FPR3: variants seen among roughly 807,000 people sequenced by gnomAD.
FPR3 encodes N-formyl peptide receptor 3.
For missense variants in FPR3, 346 were observed against 443.2 expected (o/e 0.78, Z 1.97); for synonymous variants, 135 against 163.6 (o/e 0.83, Z 1.34).
At chr19:51,819,217 A>G (rs2084169561) in intron 1 of FPR3, among the ~76,000 whole-genome samples, 1 of 152,208 alleles carries the variant, frequency 6.6e-6, no homozygotes, top group African/African-American at 2.4e-5. Flanking sequence ...AGTTTGGGCA[A>G]TGTTGGGTTT....
chr19:51,811,007 A>G (rs577638661), intron 1 of FPR3, among the ~76,000 whole-genome samples: 3 of 152,212 alleles, frequency 2.0e-5, no homozygotes, highest in Non-Finnish European at 4.4e-5. Flanking sequence ...GAGGCTGTAT[A>G]GGCCAATTTT....
chr19:51,806,959 G>A (rs527360841), intron 1 of FPR3, among the ~76,000 whole-genome samples: 25 of 152,286 alleles, frequency 1.6e-4, no homozygotes, highest in South Asian at 1.2e-3. Flanking sequence ...AACATCGGGC[G>A]TAGCCAATTA....
At chr19:51,814,550 G>A (rs2084120557) in intron 1 of FPR3, among the ~76,000 whole-genome samples, 1 of 152,168 alleles carries the variant, frequency 6.6e-6, no homozygotes, top group Non-Finnish European at 1.5e-5. Context: ...ATGAAGTGCA[G>A]TGGTGTGATC....
intron 1 of FPR3, among the ~76,000 whole-genome samples, chr19:51,821,029 A>C (rs2084184560): frequency 6.6e-6 from 1 of 152,158 alleles, no homozygotes; most frequent in African/African-American, 2.4e-5. Flanking sequence ...TGAGCTTCAA[A>C]AGGCACGACC....
intron 1 of FPR3, among the ~76,000 whole-genome samples, chr19:51,806,155 C>A (rs1220776197): frequency 2.0e-5 from 3 of 152,162 alleles, no homozygotes. Context: ...TCCAGTCGGC[C>A]TTCTCTCCAT....
intron 1 of FPR3, among the ~76,000 whole-genome samples, chr19:51,812,052 C>A (rs901954674): frequency 6.6e-6 from 1 of 152,122 alleles, no homozygotes; most frequent in African/African-American, 2.4e-5. Context: ...CCTAAATTAC[C>A]CATAGTCATA....
rs1232784401 is a variant in FPR3, at chr19:51,824,691, C to T, written c.943C>T (p.Arg315Cys). 48 of 1,613,966 alleles carry T rather than the reference C, an allele frequency of 3.0e-5. No individual in the cohort carries two copies. The highest frequency in any genetic ancestry group is 3.7e-5 in the Non-Finnish European group (44 of 1,180,002). The change falls in exon 2 of 2, where the codon CGC becomes TGC. Residue 315 changes from arginine (R) to cysteine (C), a missense_variant. By Grantham distance (180) the Arg-to-Cys change is radical. Transcript: ENST00000339223. This position sits in a 1 kb window ranked among gnomAD's most constrained non-coding sequence, Gnocchi z 4.7. ...MGRNFQERLI[R>C]SLPTSLERAL... ...TCGTAACTTCCAAGAAAGACTGATT[C>T]GCTCTTTGCCCACTAGTTTGGAGAG... is the stretch of plus-strand genomic sequence containing the variant.
chr19:51,824,855 A>T lies in FPR3; in HGVS notation c.*45A>T. ...CTCTGTCTCTTTCTACCCTGCGTTA[A>T]GCGGAAAAAAAAAATTCTGACAGTG... On this transcript the variant is annotated 3_prime_UTR_variant, in exon 2 of 2. Coordinates refer to ENST00000339223, the MANE Select transcript of FPR3 (RefSeq NM_002030.5). This position sits in a 1 kb window ranked among gnomAD's most constrained non-coding sequence, Gnocchi z 4.7. 1 of 1,455,244 alleles carries T rather than the reference A, an allele frequency of 6.9e-7. No individual in the cohort carries two copies. The highest frequency in any genetic ancestry group is 1.4e-5 in the African/African-American group (1 of 69,794). The allele number at this position is 1,455,244 out of a possible 1,614,324, so 90.1% of individuals were successfully genotyped here.
intron 1 of FPR3, among the ~76,000 whole-genome samples, chr19:51,822,077 G>A (rs557635353): frequency 6.6e-6 from 1 of 152,278 alleles, no homozygotes; most frequent in South Asian, 2.1e-4. Flanking sequence ...AAGCAAATTT[G>A]GTCAAGTGGC....
chr19:51,824,359 T>C lies in FPR3; in HGVS notation c.611T>C (p.Leu204Pro). ...FITMAKVFLI[L>P]HFIIGFSVPM... ...ACCATGGCCAAGGTCTTTCTGATCC[T>C]CCACTTCATTATTGGCTTCAGCGTG... The change falls in exon 2 of 2, where the codon CTC (leucine) becomes CCC (proline). Residue 204 changes from leucine to proline, a missense_variant. By Grantham distance (98) the Leu-to-Pro change is moderately conservative. Coordinates refer to ENST00000339223, the MANE Select transcript of FPR3 (RefSeq NM_002030.5). This position sits in a 1 kb window ranked among gnomAD's most constrained non-coding sequence, Gnocchi z 4.7. 6.2e-7 allele frequency: 1 copy of C among 1,614,144 alleles called. No homozygotes were observed. The highest frequency in any genetic ancestry group is 8.5e-7 in the Non-Finnish European group (1 of 1,180,006).
intron 1 of FPR3, among the ~76,000 whole-genome samples, chr19:51,817,520 T>TC (rs1020705369): frequency 2.7e-5 from 4 of 149,502 alleles, no homozygotes; most frequent in African/African-American, 9.7e-5. Flanking sequence ...TGTTTTGTTT[T>TC]TTTTTTTAAA....
chr19:51,807,432 G>A (rs978128841), intron 1 of FPR3, among the ~76,000 whole-genome samples: 1 of 152,162 alleles, frequency 6.6e-6, no homozygotes, highest in Admixed American at 6.5e-5. Flanking sequence ...TGATCATATA[G>A]CCTCCAGTGG....
intron 1 of FPR3, among the ~76,000 whole-genome samples, chr19:51,805,968 C>T (rs565486763): frequency 5.2e-4 from 79 of 152,182 alleles, no homozygotes; most frequent in African/African-American, 1.8e-3. Flanking sequence ...ATTATGTGTT[C>T]GCAATGTGCT....
At chr19:51,801,335 A>C (rs1451044658) in intron 1 of FPR3, among the ~76,000 whole-genome samples, 1 of 152,032 alleles carries the variant, frequency 6.6e-6, no homozygotes, top group Non-Finnish European at 1.5e-5. Context: ...TGTATACATA[A>C]TATAGAACCA....
intron 1 of FPR3, among the ~76,000 whole-genome samples, chr19:51,815,769 G>A (rs1036231056): frequency 4.6e-5 from 7 of 151,626 alleles, no homozygotes; most frequent in African/African-American, 1.7e-4. Context: ...GCTGAGGCTG[G>A]AGAATCCCTT....
chr19:51,806,477 A>T (rs1162750871), intron 1 of FPR3, among the ~76,000 whole-genome samples: 1 of 152,220 alleles, frequency 6.6e-6, no homozygotes, highest in African/African-American at 2.4e-5. Context: ...CAAAAATTTT[A>T]AAGTAAATAA....
In FPR3 at chr19:51,825,386, G is replaced by A. The variant is rs2084225579; in HGVS notation, c.*576G>A. ...AATCCAGTCCTCTTGGGTTTTTATGGAAGCTTCATGATGTCAGCATTCTTT... is the reference window on the plus strand; with the variant it reads ...AATCCAGTCCTCTTGGGTTTTTATGAAAGCTTCATGATGTCAGCATTCTTT... On this transcript the variant is annotated 3_prime_UTR_variant, in exon 2 of 2. Transcript: ENST00000339223. The A allele has an allele frequency of 6.0e-6, 1 of 167,140 alleles. No individual in the cohort carries two copies. The highest frequency in any genetic ancestry group is 2.1e-4 in the South Asian group (1 of 4,834). The allele number at this position is 167,140 out of a possible 1,614,324, so 10.4% of individuals were successfully genotyped here.
intron 1 of FPR3, chr19:51,804,867 C>G (rs191674489): frequency 8.5e-5 from 13 of 152,238 alleles, no homozygotes; most frequent in African/African-American, 3.1e-4. Flanking sequence ...AGGCCCTGAG[C>G]TTTACACGGC....
chr19:51,807,097 C>CAAG (rs995091591), intron 1 of FPR3, among the ~76,000 whole-genome samples: 3 of 152,162 alleles, frequency 2.0e-5, no homozygotes, highest in African/African-American at 7.2e-5. Context: ...GAATAAAAGA[C>CAAG]AAGAGATAAA....
Sources: gnomAD v4.1 joint callset for allele counts (sites outside exome capture counted in the v4.1 genomes callset) on GRCh38, gnomAD v4.1.1 for gene constraint, Gnocchi (gnomAD v3.1) non-coding constraint, MANE v1.5 for transcripts, NCBI Gene and HGNC (gene_info 2026-07-23, HGNC 2026-07-21) for gene names.